CDKN2B-AS1: variants seen among roughly 807,000 people sequenced by gnomAD.
CDKN2B-AS1 encodes the protein CDKN2B and CDKN2A antisense cis and trans regulatory RNA 1, also known as CDKN2B antisense RNA 1 (non-protein coding).
At chr9:22,071,523 A>G (rs1260094912) in intron 4 of CDKN2B-AS1, among the ~76,000 whole-genome samples, 2 of 152,050 alleles carry the variant, frequency 1.3e-5, no homozygotes, top group Admixed American at 6.6e-5. Context: ...AGAGCATTGC[A>G]TTGAATCAAG....
At chr9:22,078,901 A>G (rs1169955730) in intron 4 of CDKN2B-AS1, among the ~76,000 whole-genome samples, 4 of 152,132 alleles carry the variant, frequency 2.6e-5, no homozygotes, top group Middle Eastern at 3.2e-3. Flanking sequence ...GGGTTTCCCC[A>G]TTGTCTGGTA....
intron 4 of CDKN2B-AS1, among the ~76,000 whole-genome samples, chr9:22,086,983 CA>C (rs1824887543): frequency 6.6e-6 from 1 of 152,218 alleles, no homozygotes; most frequent in Non-Finnish European, 1.5e-5. Context: ...ATTGCCTACG[CA>C]GGGAAGTTTT....
At chr9:22,068,724 T>C (rs949022063) in intron 4 of CDKN2B-AS1, among the ~76,000 whole-genome samples, 2 of 152,222 alleles carry the variant, frequency 1.3e-5, no homozygotes, top group African/African-American at 2.4e-5. Context: ...AATCTATTTG[T>C]TTGTTTTTCC....
intron 4 of CDKN2B-AS1, among the ~76,000 whole-genome samples, chr9:22,062,986 C>CACACACATAT (rs374229516): frequency 1.5e-5 from 2 of 136,772 alleles, no homozygotes; most frequent in African/African-American, 5.4e-5. Context: ...GACACACACA[C>CACACACATAT]ATATATATAT....
intron 1 of CDKN2B-AS1, among the ~76,000 whole-genome samples, chr9:21,998,661 G>A (rs3218012): frequency 0.47 from 71,452 of 151,994 alleles, 17,357 homozygotes; most frequent in Admixed American, 0.63. Flanking sequence ...ATAATTTTCT[G>A]TTTTAGATCA....
intron 1 of CDKN2B-AS1, among the ~76,000 whole-genome samples, chr9:22,012,883 C>A (rs954609177): frequency 6.6e-6 from 1 of 151,994 alleles, no homozygotes. Context: ...TCTATATTCC[C>A]ATGTATTTTT....
intron 4 of CDKN2B-AS1, among the ~76,000 whole-genome samples, chr9:22,078,320 C>T (rs1218813976): frequency 6.6e-6 from 1 of 151,736 alleles, no homozygotes; most frequent in Non-Finnish European, 1.5e-5. Flanking sequence ...TCAAACTTAT[C>T]AGTAGCTAAA....
chr9:22,029,450 T>G, intron 1 of CDKN2B-AS1: 1 of 779,642 alleles, frequency 1.3e-6, no homozygotes, highest in South Asian at 1.3e-5. Flanking sequence ...TGCCACGACA[T>G]TTCAAAGGAT....
chr9:22,070,092 A>G (rs1442938119), intron 4 of CDKN2B-AS1, among the ~76,000 whole-genome samples: 1 of 152,228 alleles, frequency 6.6e-6, no homozygotes. Flanking sequence ...AGAAAGCAAG[A>G]TCAGCTCAAC....
At chr9:22,057,774 T>C (rs980583086) in intron 4 of CDKN2B-AS1, among the ~76,000 whole-genome samples, 1 of 151,190 alleles carries the variant, frequency 6.6e-6, no homozygotes, top group Non-Finnish European at 1.5e-5. Flanking sequence ...GCCACTGCAC[T>C]CCAGCCTGGG....
intron 4 of CDKN2B-AS1, among the ~76,000 whole-genome samples, chr9:22,114,815 G>A (rs548161064): frequency 3.0e-4 from 46 of 152,194 alleles, no homozygotes; most frequent in Non-Finnish European, 5.1e-4. Flanking sequence ...GAATTCATGA[G>A]ATAATGGTCT....
At chr9:22,010,513 GT>G (rs930972554) in intron 1 of CDKN2B-AS1, among the ~76,000 whole-genome samples, 3 of 149,040 alleles carry the variant, frequency 2.0e-5, no homozygotes, top group South Asian at 2.1e-4. Flanking sequence ...GTCTTCACAT[GT>G]TTTTTTTAGG....
chr9:22,111,284 T>G (rs1563988112), intron 4 of CDKN2B-AS1, among the ~76,000 whole-genome samples: 1 of 152,144 alleles, frequency 6.6e-6, no homozygotes, highest in Non-Finnish European at 1.5e-5. Context: ...GGCCAAAGTC[T>G]GAATTCAGCA....
intron 4 of CDKN2B-AS1, among the ~76,000 whole-genome samples, chr9:22,100,293 C>T (rs1450578274): frequency 6.6e-6 from 1 of 152,112 alleles, no homozygotes; most frequent in East Asian, 1.9e-4. Context: ...TGAGATCCTT[C>T]ATGCTCATTT....
intron 4 of CDKN2B-AS1, among the ~76,000 whole-genome samples, chr9:22,095,361 T>C (rs1174194579): frequency 1.4e-5 from 2 of 144,770 alleles, no homozygotes; most frequent in Non-Finnish European, 2.9e-5. Flanking sequence ...CCAGTAGTCA[T>C]TCAGGAGTGG....
chr9:22,048,865 C>G (rs919100606), intron 2 of CDKN2B-AS1, among the ~76,000 whole-genome samples: 8 of 152,110 alleles, frequency 5.3e-5, no homozygotes, highest in African/African-American at 1.7e-4. Flanking sequence ...CAAACTTAGT[C>G]TTCTAATTTG....
At chr9:22,072,112 T>C (rs61374441) in intron 4 of CDKN2B-AS1, among the ~76,000 whole-genome samples, 4,354 of 152,282 alleles carry the variant, frequency 0.029, 158 homozygotes, top group African/African-American at 0.082. Flanking sequence ...TGTCATTGCA[T>C]TTGGATCACA....
Position 21,996,706 on chromosome 9 carries a change from T to C in CDKN2B-AS1, n.29+1545T>C, listed in dbSNP as rs957209236. Among the ~76,000 whole-genome samples, 2 of 152,066 alleles carry C rather than the reference T, an allele frequency of 1.3e-5. No homozygotes were observed. Among genetic ancestry groups the C allele is most frequent in the East Asian group, 1.9e-4 (1 of 5,182 alleles). On this transcript the variant is annotated intron_variant and non_coding_transcript_variant, in intron 1 of 4. Coordinates refer to ENST00000650946, the Ensembl canonical transcript of CDKN2B-AS1. This position sits in a 1 kb window ranked among gnomAD's most constrained non-coding sequence, Gnocchi z 5.4. ...CACCTTCAGCCGGCCTCCGCCTCTGTAGGGGGGCATTAGGTTTTCTGTCCC... is the reference window on the plus strand; with the variant it reads ...CACCTTCAGCCGGCCTCCGCCTCTGCAGGGGGGCATTAGGTTTTCTGTCCC...
chr9:22,047,525 C>T (rs892867868), intron 2 of CDKN2B-AS1, among the ~76,000 whole-genome samples: 3 of 152,018 alleles, frequency 2.0e-5, no homozygotes, highest in African/African-American at 4.8e-5. Flanking sequence ...AATTATGAAG[C>T]GAGTAATCTA....
Sources: allele counts gnomAD v4.1 joint callset (sites outside exome capture counted in the v4.1 genomes callset), GRCh38; gene constraint gnomAD v4.1.1; non-coding constraint Gnocchi (gnomAD v3.1); transcripts MANE v1.5; gene names NCBI Gene and HGNC (gene_info 2026-07-23, HGNC 2026-07-21).